The following PPIP5K2 variants were observed in gnomAD, a reference collection of about 807,000 sequenced individuals.
The protein encoded by PPIP5K2 is inositol hexakisphosphate and diphosphoinositol-pentakisphosphate kinase 2.
A neutral mutation model predicts 154.6 loss-of-function variants in PPIP5K2; 105 were observed. The observed-to-expected ratio is 0.68, with a 90% CI of 0.58 to 0.80. The LOEUF (loss-of-function observed/expected upper bound fraction) is 0.80. Among genes scored for constraint, PPIP5K2 ranks in the 30% least tolerant of loss-of-function variants. The pLI, the probability that PPIP5K2 is intolerant of heterozygous loss-of-function variation, is 0.00. For missense variants in PPIP5K2, 992 were observed against 1,504.6 expected (o/e 0.66, Z 5.64); for synonymous variants, 480 against 490.3 (o/e 0.98, Z 0.28).
intron 30 of PPIP5K2, among the ~76,000 whole-genome samples, chr5:103,198,216 T>C (rs1802426252): frequency 6.6e-6 from 1 of 152,186 alleles, no homozygotes; most frequent in South Asian, 2.1e-4. Context: ...CAATTTCTTA[T>C]TTAGTTCCAT....
intron 3 of PPIP5K2, among the ~76,000 whole-genome samples, chr5:103,134,321 A>G (rs977663713): frequency 4.6e-5 from 7 of 152,164 alleles, no homozygotes; most frequent in Admixed American, 6.5e-5. Flanking sequence ...TACATCTGAA[A>G]ATTGATAGCC....
In PPIP5K2 at chr5:103,210,330, A is replaced by G. The variant is rs1377783087; in HGVS notation, c.*8696A>G. On this transcript the variant is annotated 3_prime_UTR_variant, in exon 31 of 31. Coordinates refer to ENST00000358359, the MANE Select transcript of PPIP5K2 (RefSeq NM_001276277.3). ...CACAGGCTGAGCAAGAGGATAGATC[A>G]TTGAATAGATGCTTTAATTCCATTT... The G allele has an allele frequency of 1.3e-5, 2 of 152,188 alleles. No individual in the cohort carries two copies. The highest frequency in any genetic ancestry group is 4.8e-5 in the African/African-American group (2 of 41,456). 9.4% of individuals were successfully genotyped at this position (152,188 alleles called of 1,614,324 possible). A position where few individuals can be genotyped will look rare whatever the true frequency, so the allele number is the denominator to read the frequency against.
chr5:103,181,979 T>C (rs1799620674), intron 24 of PPIP5K2, among the ~76,000 whole-genome samples: 1 of 152,202 alleles, frequency 6.6e-6, no homozygotes, highest in African/African-American at 2.4e-5. Flanking sequence ...AGAGGGTATT[T>C]AACAATTATA....
chr5:103,124,399 T>C (rs782050605), intron 1 of PPIP5K2, among the ~76,000 whole-genome samples: 5 of 152,210 alleles, frequency 3.3e-5, no homozygotes, highest in Non-Finnish European at 5.9e-5. Flanking sequence ...CATGCTGTCA[T>C]AAGGACTGTG....
In PPIP5K2 at chr5:103,187,809, T is replaced by C. The variant is rs575200962; in HGVS notation, c.3352+433T>C. On this transcript the variant is annotated intron_variant, in intron 28 of 30. Coordinates refer to ENST00000358359, the MANE Select transcript of PPIP5K2 (RefSeq NM_001276277.3). ...AAAATACAGAGCCACCCATGTCAAATAGCCAAATAAGATGTGTCTTTGAAA... is the reference window on the plus strand; with the variant it reads ...AAAATACAGAGCCACCCATGTCAAACAGCCAAATAAGATGTGTCTTTGAAA... Among the ~76,000 whole-genome samples, 11 of 152,264 alleles carry C rather than the reference T, an allele frequency of 7.2e-5. No individual in the cohort carries two copies. The South Asian group carries it at 1.5e-3, about 20-fold the overall frequency.
In PPIP5K2 at chr5:103,136,925, T is replaced by C. The variant is rs1460500651; in HGVS notation, c.401+103T>C. On this transcript the variant is annotated intron_variant, in intron 4 of 30. Transcript: ENST00000358359. ...CAGGTGTTTTTGCATTATTAATTCA[T>C]TGTACTTTCAAAATAATACTCAGAA... 6.3e-6 allele frequency: 5 copies of C among 794,684 alleles called. No individual in the cohort carries two copies. The Admixed American group carries it at 8.1e-5, about 13-fold the overall frequency. 49.2% of individuals were successfully genotyped at this position (794,684 alleles called of 1,614,324 possible).
In PPIP5K2 at chr5:103,143,598, G is replaced by A. The variant is rs1032168777; in HGVS notation, c.488-2929G>A. 4.6e-5 allele frequency among the ~76,000 whole-genome samples: 7 copies of A among 152,192 alleles called. No individual in the cohort carries two copies. The South Asian group carries it at 1.0e-3, about 23-fold the overall frequency. The stretch of plus-strand genomic sequence containing the variant: ...CAAGTCTTTACCTATCAGTAATAAC[G>A]TGAATGCAAATGAGCTGAATTCTTG... On this transcript the variant is annotated intron_variant, in intron 5 of 30. Coordinates refer to ENST00000358359, the MANE Select transcript of PPIP5K2 (RefSeq NM_001276277.3).
chr5:103,201,500 TTTTTG>T lies in PPIP5K2; in HGVS notation c.3620-17_3620-13del. On this transcript the variant is annotated splice_polypyrimidine_tract_variant and intron_variant, in intron 30 of 30. Transcript: ENST00000358359. ...TGTAAATTTAAGCAATAGTTTTTTT[TTTTTG>T]TTTTTGTTTTATGTAGCTACAAGTG... 8 of 1,434,750 alleles carry T rather than the reference TTTTTG, an allele frequency of 5.6e-6. No homozygotes were observed. Among genetic ancestry groups the T allele is most frequent in the East Asian group, 4.7e-5 (2 of 42,986 alleles). 88.9% of individuals were successfully genotyped at this position (1,434,750 alleles called of 1,614,324 possible).
Position 103,190,936 on chromosome 5 carries a change from C to T in PPIP5K2, c.3447C>T (p.Ser1149=), listed in dbSNP as rs903599195. The change falls in exon 29 of 31, where the codon TCC becomes TCT. Residue 1149 remains serine (S), a synonymous_variant. Coordinates refer to ENST00000358359, the MANE Select transcript of PPIP5K2 (RefSeq NM_001276277.3). The part of the protein sequence containing the change: ...SLKQVDEFLA[S]IASPSSDVPR... ...AGCAAGTGGATGAATTTCTTGCTTCCATTGCTTCTCCATCATCTGACGTTC... is the reference window on the plus strand; with the variant it reads ...AGCAAGTGGATGAATTTCTTGCTTCTATTGCTTCTCCATCATCTGACGTTC... 6.8e-6 allele frequency: 11 copies of T among 1,610,106 alleles called. No individual in the cohort carries two copies. The highest frequency in any genetic ancestry group is 1.7e-5 in the Admixed American group (1 of 59,568).
At chr5:103,146,718 T>C in intron 6 of PPIP5K2, 37 bp downstream of exon 6, 1 of 1,528,826 alleles carries the variant, frequency 6.5e-7, no homozygotes, top group Non-Finnish European at 8.9e-7. Flanking sequence ...ATACTCTTCT[T>C]TGTACATTGT....
Position 103,202,778 on chromosome 5 carries a change from A to G in PPIP5K2, c.*1144A>G, listed in dbSNP as rs1383950932. On this transcript the variant is annotated 3_prime_UTR_variant, in exon 31 of 31. Transcript: ENST00000358359. ...CTTGAAATGACTTAAACTGTAATCC[A>G]AATGGGACAATCTGATAAGAATTTC... The G allele has an allele frequency of 1.3e-5, 2 of 152,168 alleles. No individual in the cohort carries two copies. Among genetic ancestry groups the G allele is most frequent in the African/African-American group, 2.4e-5 (1 of 41,456 alleles). The allele number at this position is 152,168 out of a possible 1,614,324, so 9.4% of individuals were successfully genotyped here.
rs1282312021 is a variant in PPIP5K2 at position 103,206,923 on chromosome 5, A to G, written c.*5289A>G. 2 of 152,286 alleles carry G rather than the reference A, an allele frequency of 1.3e-5. No homozygotes were observed. Among genetic ancestry groups the G allele is most frequent in the Non-Finnish European group, 2.9e-5 (2 of 68,114 alleles). The allele number at this position is 152,286 out of a possible 1,614,324, so 9.4% of individuals were successfully genotyped here. ...AGCAGGGAAGGGTTAGAAGTAGAAA[A>G]CAACTGAGTCAGAGTGGAGATGAGT... On this transcript the variant is annotated 3_prime_UTR_variant, in exon 31 of 31. Transcript: ENST00000358359.
At position 103,205,740 on chromosome 5, in the gene PPIP5K2, T is replaced by C. The variant is rs1454212727; in HGVS notation, c.*4106T>C. The C allele has an allele frequency of 2.6e-5, 4 of 152,228 alleles. No individual in the cohort carries two copies. The highest frequency in any genetic ancestry group is 5.9e-5 in the Non-Finnish European group (4 of 68,040). The allele number at this position is 152,228 out of a possible 1,614,324, so 9.4% of individuals were successfully genotyped here. On this transcript the variant is annotated 3_prime_UTR_variant, in exon 31 of 31. Coordinates refer to ENST00000358359, the MANE Select transcript of PPIP5K2 (RefSeq NM_001276277.3). ...ATGTTTTCTGGTGCATATAAATTCATGAATGCTAGATTTTCATTATAGGTT... is the reference window on the plus strand; with the variant it reads ...ATGTTTTCTGGTGCATATAAATTCACGAATGCTAGATTTTCATTATAGGTT...
At chr5:103,197,898 A>T (rs554322196) in intron 30 of PPIP5K2, among the ~76,000 whole-genome samples, 80 of 151,788 alleles carry the variant, frequency 5.3e-4, no homozygotes, top group African/African-American at 1.8e-3. Context: ...ATTTTTAAAA[A>T]ATTATTTTAA....
intron 19 of PPIP5K2, among the ~76,000 whole-genome samples, chr5:103,169,053 T>C (rs1333788755): frequency 2.6e-5 from 4 of 151,890 alleles, no homozygotes. Flanking sequence ...GAGGTCAAGA[T>C]ATATGTAGTT....
chr5:103,149,103 C>T, intron 7 of PPIP5K2, 49 bp from the exon 8 acceptor site: 1 of 1,365,368 alleles, frequency 7.3e-7, no homozygotes, highest in South Asian at 1.5e-5. Flanking sequence ...TACACACACA[C>T]ACACACATAC....
Position 103,158,049 on chromosome 5 carries a change from C to G in PPIP5K2, c.1490-139C>G, listed in dbSNP as rs1342202364. The G allele has an allele frequency of 1.1e-5, 10 of 890,772 alleles. No homozygotes were observed. In the Admixed American group the frequency reaches 2.8e-4, roughly 25 times the overall value. The allele number at this position is 890,772 out of a possible 1,614,324, so 55.2% of individuals were successfully genotyped here. A position where few individuals can be genotyped will look rare whatever the true frequency, so the allele number is the denominator to read the frequency against. ...CAAACGGCATTAAGGAACATACATGCAACAGCATTTAAGGAAGAAAATATC... is the reference window on the plus strand; with the variant it reads ...CAAACGGCATTAAGGAACATACATGGAACAGCATTTAAGGAAGAAAATATC... On this transcript the variant is annotated intron_variant, in intron 14 of 30. Transcript: ENST00000358359.
rs528802882 is a variant in PPIP5K2 at position 103,161,677 on chromosome 5, T to C, written c.1920+2349T>C. On this transcript the variant is annotated intron_variant, in intron 17 of 30. Coordinates refer to ENST00000358359, the MANE Select transcript of PPIP5K2 (RefSeq NM_001276277.3). ...CTAACTGGTGTGAGATGGTATCTCA[T>C]TGTGGTTTTGATTTGCATTTCTCTG... is the stretch of plus-strand genomic sequence containing the variant. 5.3e-3 allele frequency among the ~76,000 whole-genome samples: 800 copies of C among 152,352 alleles called. 7 individuals carry two copies. The highest frequency in any genetic ancestry group is 0.017 in the African/African-American group (713 of 41,580).
intron 3 of PPIP5K2, 98 bp downstream of exon 3, chr5:103,133,746 A>G: frequency 8.1e-6 from 8 of 993,456 alleles, no homozygotes; most frequent in Non-Finnish European, 1.1e-5. Context: ...AAAAATAAAC[A>G]TTAACTCACT....
Sources: allele counts gnomAD v4.1 joint callset (sites outside exome capture counted in the v4.1 genomes callset), GRCh38; gene constraint gnomAD v4.1.1; transcripts MANE v1.5; gene names NCBI Gene and HGNC (gene_info 2026-07-23, HGNC 2026-07-21).